The following FAT2 variants were observed in gnomAD, a reference collection of about 807,000 sequenced individuals.
The protein encoded by FAT2 is protocadherin Fat 2.
FAT2 carries 150 observed loss-of-function variants against 295.3 expected under a neutral mutation model. The ratio of observed to expected loss-of-function variants is 0.51; its 90% CI spans 0.44 to 0.58. The LOEUF (loss-of-function observed/expected upper bound fraction) is 0.58. Ranked by LOEUF, FAT2 falls within the 20% of genes least tolerant of loss-of-function variation. The pLI is 0.00. For synonymous variants in FAT2, 2,026 were observed against 2,150.3 expected, an observed-to-expected ratio of 0.94 and a Z score of 1.60; for missense variants, 4,868 against 5,442.7, an observed-to-expected ratio of 0.89 and a Z score of 3.32.
At chr5:151,516,640 G>A (rs893833758) in intron 20 of FAT2, among the ~76,000 whole-genome samples, 17 of 152,136 alleles carry the variant, frequency 1.1e-4, no homozygotes, top group Non-Finnish European at 1.2e-4. Flanking sequence ...TTATGTTTAT[G>A]TTTATTGTCA....
At chr5:151,574,483 T>C (rs546520588) in intron 1 of FAT2, among the ~76,000 whole-genome samples, 7 of 152,256 alleles carry the variant, frequency 4.6e-5, no homozygotes, top group African/African-American at 1.7e-4. Flanking sequence ...AGAATAAAAA[T>C]TGTAAATGAA....
upstream of FAT2, among the ~76,000 whole-genome samples, chr5:151,594,349 T>C (rs1759510267): frequency 6.6e-6 from 1 of 152,208 alleles, no homozygotes; most frequent in African/African-American, 2.4e-5. Flanking sequence ...GATGGGTCTA[T>C]ATCTAACTCA....
chr5:151,568,051 C>A lies in FAT2; in HGVS notation c.881G>T (p.Gly294Val). The change falls in exon 2 of 24, where the codon GGT (glycine) becomes GTT (valine). Residue 294 changes from glycine to valine, a missense_variant. Coordinates refer to ENST00000261800, the MANE Select transcript of FAT2 (RefSeq NM_001447.3). Reference sequence around the variant, plus strand: ...GGCTTTGAAGTGCTTTCCAGGGTCACCACCAACAACTTCCACTGACTCCAC... The same window carrying A: ...GGCTTTGAAGTGCTTTCCAGGGTCAACACCAACAACTTCCACTGACTCCAC... ...AEVESVEVVG[G>V]DPGKHFKAIK... The A allele has an allele frequency of 6.2e-7, 1 of 1,614,210 alleles. No individual in the cohort carries two copies. The highest frequency in any genetic ancestry group is 1.3e-5 in the African/African-American group (1 of 75,048).
chr5:151,575,896 G>A (rs1011353561), intron 1 of FAT2, among the ~76,000 whole-genome samples: 3 of 152,224 alleles, frequency 2.0e-5, no homozygotes, highest in Admixed American at 6.5e-5. Flanking sequence ...AATGCGGCTA[G>A]TACAATTGAG....
chr5:151,550,849 T>C lies in FAT2; in HGVS notation c.4319A>G (p.Asn1440Ser). 5.6e-6 allele frequency: 9 copies of C among 1,613,232 alleles called. No homozygotes were observed. The highest frequency in any genetic ancestry group is 7.6e-6 in the Non-Finnish European group (9 of 1,179,960). The change falls in exon 8 of 24, where the codon AAC becomes AGC. Residue 1440 changes from asparagine (N) to serine (S), a missense_variant. Asn to Ser is a conservative substitution (Grantham distance 46). Transcript: ENST00000261800. The part of the protein sequence containing the change: ...ATQVHIFMIA[N>S]INHHRPQFLE... Reference sequence around the variant, plus strand: ...AAACTGGGGCCGATGGTGGTTAATGTTGGCAATCATGAAGATGTGGACCTA... The same window carrying C: ...AAACTGGGGCCGATGGTGGTTAATGCTGGCAATCATGAAGATGTGGACCTA...
intron 1 of FAT2, among the ~76,000 whole-genome samples, chr5:151,577,233 C>A (rs1758781405): frequency 6.6e-6 from 1 of 152,152 alleles, no homozygotes; most frequent in South Asian, 2.1e-4. Flanking sequence ...CATAGTATGA[C>A]CCTGGAGAAA....
At chr5:151,518,128 C>T (rs747155903) in intron 19 of FAT2, among the ~76,000 whole-genome samples, 3 of 152,028 alleles carry the variant, frequency 2.0e-5, no homozygotes, top group Non-Finnish European at 4.4e-5. Context: ...CCCAGAAGTT[C>T]GAGACCAGCC....
Position 151,550,639 on chromosome 5 carries a change from C to T in FAT2, c.4529G>A (p.Gly1510Glu), listed in dbSNP as rs760211253. 22 of 1,614,072 alleles carry T rather than the reference C, an allele frequency of 1.4e-5. No individual in the cohort carries two copies. The East Asian group carries it at 4.5e-4, about 33-fold the overall frequency. ...GGGCCCCGAGCCGAGGTCCAATTTT[C>T]CCACCGTTACCAGGACACCACTGCT... ...DPSSGVLVTV[G>E]KLDLGSGPSQ... The change falls in exon 8 of 24, where the codon GGA becomes GAA. Residue 1510 changes from glycine (G) to glutamate (E), a missense_variant. By Grantham distance (98) the Gly-to-Glu change is moderately conservative. Around this residue, in one of 5 missense-constraint regions of FAT2, gnomAD observed 3,297 missense variants for 3,669.4 expected, o/e 0.90. Coordinates refer to ENST00000261800, the MANE Select transcript of FAT2 (RefSeq NM_001447.3).
intron 3 of FAT2, among the ~76,000 whole-genome samples, chr5:151,563,010 C>T (rs1428568028): frequency 6.6e-6 from 1 of 152,154 alleles, no homozygotes; most frequent in African/African-American, 2.4e-5. Flanking sequence ...AATGGGCAAC[C>T]TGCTTAGTTT....
chr5:151,573,903 A>G (rs925442806), intron 1 of FAT2, among the ~76,000 whole-genome samples: 5 of 152,270 alleles, frequency 3.3e-5, no homozygotes, highest in African/African-American at 1.2e-4. Context: ...AGGGCTCCTC[A>G]TCACTGGGGG....
At position 151,507,197 on chromosome 5, in the gene FAT2, G is replaced by A. The variant is rs757751855; in HGVS notation, c.12474C>T (p.Asp4158=). 6 of 1,607,866 alleles carry A rather than the reference G, an allele frequency of 3.7e-6. No individual in the cohort carries two copies. Among genetic ancestry groups the A allele is most frequent in the Non-Finnish European group, 3.4e-6 (4 of 1,176,258 alleles). The change falls in exon 23 of 24, where the codon GAC becomes GAT. Residue 4158 remains aspartate, a synonymous_variant. Transcript: ENST00000261800. Reference sequence around the variant, plus strand: ...AGGTTCTCTTAATGACAGGCTCATTGTCAGAGTGGGAAGGGACCGCAGCTG... The same window carrying A: ...AGGTTCTCTTAATGACAGGCTCATTATCAGAGTGGGAAGGGACCGCAGCTG... ...LPPAAVPSHS[D]NEPVIKRTWS...
chr5:151,561,496 T>C (rs555289578), intron 3 of FAT2, among the ~76,000 whole-genome samples: 1 of 152,330 alleles, frequency 6.6e-6, no homozygotes, highest in African/African-American at 2.4e-5. Flanking sequence ...GCTCAAGCCA[T>C]CTTGCTACCT....
Position 151,567,186 on chromosome 5 carries a change from C to G in FAT2, c.1746G>C (p.Ser582=), listed in dbSNP as rs765690558. The change falls in exon 2 of 24, where the codon TCG becomes TCC. Residue 582 remains serine, a synonymous_variant. Coordinates refer to ENST00000261800, the MANE Select transcript of FAT2 (RefSeq NM_001447.3). ...CATCTATGGCTGACATAGTCATTAT[C>G]GATTTCCCTACTGGCCAGTCTTGGC... ...SIRQDWPVGK[S]IMTMSAIDVD... The G allele has an allele frequency of 3.1e-6, 5 of 1,614,186 alleles. No homozygotes were observed. The highest frequency in any genetic ancestry group is 4.5e-5 in the East Asian group (2 of 44,892).
chr5:151,534,980 T>TAC (rs1755098515), intron 12 of FAT2, among the ~76,000 whole-genome samples: 1 of 139,918 alleles, frequency 7.1e-6, no homozygotes, highest in Non-Finnish European at 1.6e-5. Context: ...AATATATATA[T>TAC]ATATATATAT....
At chr5:151,508,103 C>A (rs536014920) in intron 22 of FAT2, among the ~76,000 whole-genome samples, 17 of 152,156 alleles carry the variant, frequency 1.1e-4, no homozygotes, top group African/African-American at 3.4e-4. Context: ...AGAAAGCATG[C>A]GAACTCTCAG....
At chr5:151,585,580 C>G (rs1040878876) in intron 1 of FAT2, among the ~76,000 whole-genome samples, 2 of 152,196 alleles carry the variant, frequency 1.3e-5, no homozygotes, top group Admixed American at 1.3e-4. Context: ...TCATTGCACT[C>G]CAGCCTGGGC....
chr5:151,522,224 T>A, intron 18 of FAT2, 138 bp from the exon 19 acceptor site: 1 of 613,402 alleles, frequency 1.6e-6, no homozygotes, highest in Non-Finnish European at 2.7e-6. Context: ...ATTGTTGCAT[T>A]TAGAAAAAAA....
chr5:151,534,975 A>ATATATATATATATG (rs1755095349), intron 12 of FAT2, among the ~76,000 whole-genome samples: 1 of 87,730 alleles, frequency 1.1e-5, no homozygotes, highest in Admixed American at 1.5e-4. Context: ...AGGAAAATAT[A>ATATATATATATATG]TATATATATA....
rs763383764 is a variant in FAT2 at position 151,545,955 on chromosome 5, C to T, written c.5172G>A (p.Ser1724=). The stretch of plus-strand genomic sequence containing the variant: ...TGCCTCGGATTTTCAGCTGGTAAGA[C>T]GAGATTTTCTCATGGTCCAATTTCT... ...TQKKLDHEKI[S]SYQLKIRGSN... Residue 1724 remains serine (S), a synonymous_variant, in exon 10 of 24, where the codon TCG becomes TCA. Coordinates refer to ENST00000261800, the MANE Select transcript of FAT2 (RefSeq NM_001447.3). 35 of 1,613,946 alleles carry T rather than the reference C, an allele frequency of 2.2e-5. No individual in the cohort carries two copies. Among genetic ancestry groups the T allele is most frequent in the Middle Eastern group, 1.6e-4 (1 of 6,084 alleles).
Sources: allele counts gnomAD v4.1 joint callset (sites outside exome capture counted in the v4.1 genomes callset), GRCh38; gene constraint gnomAD v4.1.1; regional missense constraint gnomAD v4.1.1; transcripts MANE v1.5; gene names NCBI Gene and HGNC (gene_info 2026-07-23, HGNC 2026-07-21).